The following NRG2 variants were observed in gnomAD, a reference collection of about 807,000 sequenced individuals.
NRG2 encodes neuregulin 2.
A neutral mutation model predicts 73.9 loss-of-function variants in NRG2; 27 were observed. The observed-to-expected ratio is 0.37, with a 90% CI of 0.27 to 0.50. The LOEUF (loss-of-function observed/expected upper bound fraction) is 0.50. Among genes scored for constraint, NRG2 ranks in the 20% least tolerant of loss-of-function variants. The pLI, the probability that NRG2 is intolerant of heterozygous loss-of-function variation, is 0.96. For missense variants in NRG2, 1,126 were observed against 1,210.1 expected, an observed-to-expected ratio of 0.93 and a Z score of 1.03; for synonymous variants, 532 against 541.0, an observed-to-expected ratio of 0.98 and a Z score of 0.23.
chr5:140,037,944 A>G (rs1010264000), intron 1 of NRG2, among the ~76,000 whole-genome samples: 3 of 140,668 alleles, frequency 2.1e-5, no homozygotes, highest in Admixed American at 1.4e-4. Context: ...TTTGAAAAAC[A>G]TTGTGTTTTT....
chr5:139,959,793 G>A (rs547905409), intron 1 of NRG2, among the ~76,000 whole-genome samples: 4 of 152,100 alleles, frequency 2.6e-5, no homozygotes, highest in South Asian at 4.2e-4. Context: ...GATTACAGGC[G>A]TGAGCCACCG....
intron 1 of NRG2, among the ~76,000 whole-genome samples, chr5:139,941,457 C>T (rs903212333): frequency 6.6e-6 from 1 of 151,946 alleles, no homozygotes; most frequent in Non-Finnish European, 1.5e-5. Context: ...CATATATTCA[C>T]CTGTTAATGC....
chr5:139,859,316 C>T (rs191274340), intron 5 of NRG2, among the ~76,000 whole-genome samples: 6 of 152,210 alleles, frequency 3.9e-5, no homozygotes. Context: ...GAGTGACAGC[C>T]TCAAGCAGAT....
intron 1 of NRG2, among the ~76,000 whole-genome samples, chr5:139,927,764 CAAAAAAAAAAAA>C (rs67854211): frequency 2.4e-5 from 2 of 82,550 alleles, no homozygotes; most frequent in African/African-American, 8.3e-5. Flanking sequence ...AACCTTGTCT[CAAAAAAAAAAAA>C]AAAAAAAAAA....
intron 1 of NRG2, among the ~76,000 whole-genome samples, chr5:139,957,305 CTCTGTG>C (rs1266580810): frequency 1.9e-4 from 24 of 123,978 alleles, no homozygotes; most frequent in African/African-American, 3.5e-4. Flanking sequence ...ACTCAAGAAT[CTCTGTG>C]TGTGTGTGTG....
chr5:139,913,102 T>C (rs1750968797), intron 1 of NRG2, among the ~76,000 whole-genome samples: 1 of 152,194 alleles, frequency 6.6e-6, no homozygotes, highest in Admixed American at 6.5e-5. Context: ...GGAAGTGGCA[T>C]GCACACACAG....
intron 3 of NRG2, among the ~76,000 whole-genome samples, chr5:139,876,815 C>T (rs1446314121): frequency 6.6e-6 from 1 of 152,064 alleles, no homozygotes; most frequent in Non-Finnish European, 1.5e-5. Context: ...GTTTTAGTTT[C>T]CTGCCATTTG....
intron 1 of NRG2, among the ~76,000 whole-genome samples, chr5:139,997,218 C>T (rs544681662): frequency 7.9e-5 from 12 of 152,184 alleles, no homozygotes; most frequent in African/African-American, 2.6e-4. Flanking sequence ...GAGAACTCCT[C>T]CAATTTTAAT....
chr5:139,951,201 G>C (rs1176735168), intron 1 of NRG2, among the ~76,000 whole-genome samples: 1 of 152,236 alleles, frequency 6.6e-6, no homozygotes, highest in Non-Finnish European at 1.5e-5. Flanking sequence ...ACCTTGCCAA[G>C]TCCCTCACTT....
chr5:139,954,633 A>G lies in NRG2; in HGVS notation c.701-67122T>C, dbSNP rs1754478903. On this transcript the variant is annotated intron_variant, in intron 1 of 9. Transcript: ENST00000361474. The surrounding 1 kb of genome is among the most constrained non-coding windows in gnomAD (Gnocchi z 5.0). ...CTCACTCCCATGGCTCTCCAGGCCA[A>G]GCCCTCCACCCCAGCGACTCTCCGC... is the stretch of plus-strand genomic sequence containing the variant. Among the ~76,000 whole-genome samples, 1 of 152,240 alleles carries G rather than the reference A, an allele frequency of 6.6e-6. No individual in the cohort carries two copies. Among genetic ancestry groups the G allele is most frequent in the African/African-American group, 2.4e-5 (1 of 41,476 alleles).
At chr5:139,961,948 C>T (rs982972489) in intron 1 of NRG2, among the ~76,000 whole-genome samples, 6 of 152,136 alleles carry the variant, frequency 3.9e-5, no homozygotes, top group Admixed American at 6.6e-5. Flanking sequence ...CATGCAAATG[C>T]CCCCCAGCCT....
chr5:139,884,192 C>T (rs778535957), intron 2 of NRG2, among the ~76,000 whole-genome samples: 16 of 152,126 alleles, frequency 1.1e-4, no homozygotes, highest in Non-Finnish European at 1.6e-4. Context: ...GAAGGAGAGA[C>T]AGATCCCTCT....
intron 1 of NRG2, among the ~76,000 whole-genome samples, chr5:140,012,337 C>T (rs76043668): frequency 0.016 from 2,418 of 152,292 alleles, 57 homozygotes; most frequent in African/African-American, 0.055. Context: ...ACTTGCTTAT[C>T]TTCTGGGCTG....
intron 1 of NRG2, among the ~76,000 whole-genome samples, chr5:140,033,031 G>A (rs965422967): frequency 6.6e-6 from 1 of 152,080 alleles, no homozygotes; most frequent in Admixed American, 6.5e-5. Context: ...ACTTTCATCA[G>A]GTTTCACATA....
At chr5:139,931,413 G>A (rs555239802) in intron 1 of NRG2, among the ~76,000 whole-genome samples, 1 of 152,268 alleles carries the variant, frequency 6.6e-6, no homozygotes, top group South Asian at 2.1e-4. Flanking sequence ...CATAGAGCAG[G>A]TGGGATGACA....
intron 1 of NRG2, among the ~76,000 whole-genome samples, chr5:140,003,029 G>A (rs754500627): frequency 7.2e-5 from 11 of 152,156 alleles, no homozygotes; most frequent in Non-Finnish European, 1.6e-4. Flanking sequence ...GATTACAAGA[G>A]ACATCCAGGC....
At chr5:139,900,283 A>G (rs1337047110) in intron 1 of NRG2, among the ~76,000 whole-genome samples, 1 of 152,240 alleles carries the variant, frequency 6.6e-6, no homozygotes, top group Non-Finnish European at 1.5e-5. Flanking sequence ...CTTCCTGAAG[A>G]CAGGGCCTGT....
intron 1 of NRG2, among the ~76,000 whole-genome samples, chr5:139,941,332 C>T (rs1753386093): frequency 6.6e-6 from 1 of 150,422 alleles, no homozygotes; most frequent in African/African-American, 2.5e-5. Context: ...TCATTGAATA[C>T]TTTTTTTGTA....
chr5:139,956,247 G>A (rs1754616706), intron 1 of NRG2, among the ~76,000 whole-genome samples: 5 of 151,930 alleles, frequency 3.3e-5, no homozygotes, highest in African/African-American at 1.2e-4. Context: ...CCAACACACT[G>A]CACAATATGG....
Sources: gnomAD v4.1 joint callset for allele counts (sites outside exome capture counted in the v4.1 genomes callset) on GRCh38, gnomAD v4.1.1 for gene constraint, Gnocchi (gnomAD v3.1) non-coding constraint, MANE v1.5 for transcripts, NCBI Gene and HGNC (gene_info 2026-07-23, HGNC 2026-07-21) for gene names.